ITGB8: variants seen among roughly 807,000 people sequenced by gnomAD.
The protein encoded by ITGB8 is integrin beta-8.
In ITGB8, 30 loss-of-function variants were observed where a neutral mutation model predicts 89.5. The ratio of observed to expected loss-of-function variants is 0.34; its 90% confidence interval spans 0.25 to 0.45. The LOEUF is 0.45. Ranked by LOEUF, ITGB8 falls within the 20% of genes least tolerant of loss-of-function variation. ITGB8 has a pLI of 1.00. For missense variants in ITGB8, 836 were observed against 933.3 expected, an observed-to-expected ratio of 0.90 and a Z score of 1.36; for synonymous variants, 335 against 320.4, an observed-to-expected ratio of 1.05 and a Z score of -0.49.
At position 20,406,074 on chromosome 7, in the gene ITGB8, A is replaced by G. The variant is rs548549760; in HGVS notation, c.1926A>G (p.Gln642=). 31 of 1,603,938 alleles carry G rather than the reference A, an allele frequency of 1.9e-5. No individual in the cohort carries two copies. In the African/African-American group the frequency reaches 2.7e-4, roughly 14 times the overall value. ...TTTCCCCTTGCAGGAATTGTATGCAATGCCTTCACCCTCACAATTTGTCTC... is the reference window on the plus strand; with the variant it reads ...TTTCCCCTTGCAGGAATTGTATGCAGTGCCTTCACCCTCACAATTTGTCTC... ...TACKENWNCM[Q]CLHPHNLSQA... is the part of the protein sequence containing the mutation. The change falls in exon 12 of 14, where the codon CAA becomes CAG. Residue 642 remains glutamine (Q), a synonymous_variant. Coordinates refer to ENST00000222573, the MANE Select transcript of ITGB8 (RefSeq NM_002214.3).
chr7:20,371,371 T>G (rs1785928447), intron 3 of ITGB8, among the ~76,000 whole-genome samples: 1 of 152,178 alleles, frequency 6.6e-6, no homozygotes, highest in South Asian at 2.1e-4. Flanking sequence ...TGAAACTAAC[T>G]ATTGAATACT....
At chr7:20,380,611 C>G (rs1392505632) in intron 4 of ITGB8, 55 bp from the exon 5 acceptor site, 1 of 1,427,704 alleles carries the variant, frequency 7.0e-7, no homozygotes, top group Non-Finnish European at 9.8e-7. Flanking sequence ...GTTAAGTATT[C>G]CAGAATGCTT....
At chr7:20,362,081 C>G (rs1785524147) in intron 1 of ITGB8, among the ~76,000 whole-genome samples, 1 of 152,176 alleles carries the variant, frequency 6.6e-6, no homozygotes, top group Non-Finnish European at 1.5e-5. Context: ...GTGCTCCATA[C>G]TACCCCAGTT....
In ITGB8 at chr7:20,412,485, G is replaced by A. The variant is rs981326254; in HGVS notation, c.*2488G>A. The stretch of plus-strand genomic sequence containing the variant: ...ATGAACAATAAACAAATTTCCGTAT[G>A]GAATGAATTATCCAAAAAGAGTATA... On this transcript the variant is annotated 3_prime_UTR_variant, in exon 14 of 14. Coordinates refer to ENST00000222573, the MANE Select transcript of ITGB8 (RefSeq NM_002214.3). 1.3e-5 allele frequency: 2 copies of A among 152,484 alleles called. No individual in the cohort carries two copies. The highest frequency in any genetic ancestry group is 4.8e-5 in the African/African-American group (2 of 41,406). The allele number at this position is 152,484 out of a possible 1,614,324, so 9.4% of individuals were successfully genotyped here.
At chr7:20,391,288 T>C (rs1583527056) in intron 6 of ITGB8, 115 bp from the exon 7 acceptor site, 1 of 468,494 alleles carries the variant, frequency 2.1e-6, no homozygotes, top group Non-Finnish European at 3.8e-6. Flanking sequence ...AGTAAAACCA[T>C]AGTCCTTCCC....
intron 9 of ITGB8, among the ~76,000 whole-genome samples, chr7:20,400,389 A>T (rs1787258915): frequency 6.6e-6 from 1 of 151,880 alleles, no homozygotes; most frequent in South Asian, 2.1e-4. Flanking sequence ...AAGCTTCAGC[A>T]TTCTCAAAGA....
intron 8 of ITGB8, among the ~76,000 whole-genome samples, chr7:20,395,371 G>C (rs1157011386): frequency 6.6e-6 from 1 of 152,234 alleles, no homozygotes; most frequent in African/African-American, 2.4e-5. Flanking sequence ...TAATCTGCCA[G>C]GGCAGTTAAA....
intron 1 of ITGB8, chr7:20,346,741 G>C (rs1457236243): frequency 1.0e-6 from 1 of 985,152 alleles, no homozygotes; most frequent in Non-Finnish European, 1.2e-6. Flanking sequence ...GATTGCCTGA[G>C]AAGTATATAA....
At chr7:20,372,023 C>G (rs949558971) in intron 3 of ITGB8, among the ~76,000 whole-genome samples, 1 of 152,128 alleles carries the variant, frequency 6.6e-6, no homozygotes, top group South Asian at 2.1e-4. Flanking sequence ...TAATCATCTT[C>G]ATCTCTCTTT....
At chr7:20,390,894 ATATATGT>A (rs1034827488) in intron 6 of ITGB8, among the ~76,000 whole-genome samples, 10 of 152,072 alleles carry the variant, frequency 6.6e-5, no homozygotes, top group African/African-American at 2.4e-4. Flanking sequence ...CATGTTATAT[ATATATGT>A]TATATAACTA....
chr7:20,387,344 AATT>A (rs755068732), intron 6 of ITGB8, among the ~76,000 whole-genome samples: 1 of 152,190 alleles, frequency 6.6e-6, no homozygotes, highest in Non-Finnish European at 1.5e-5. Flanking sequence ...TGGTCTTAAT[AATT>A]ACAGAACAGT....
chr7:20,370,815 T>C (rs1031610510), intron 3 of ITGB8, among the ~76,000 whole-genome samples: 2 of 152,112 alleles, frequency 1.3e-5, no homozygotes, highest in African/African-American at 4.8e-5. Flanking sequence ...GGTTTCACCA[T>C]GTTGGCCAGA....
intron 1 of ITGB8, among the ~76,000 whole-genome samples, chr7:20,332,813 A>G (rs1784452338): frequency 6.6e-6 from 1 of 152,224 alleles, no homozygotes; most frequent in South Asian, 2.1e-4. Context: ...ATTGTTGGAA[A>G]ATTACACAAC....
chr7:20,404,329 T>C (rs1396996308), intron 10 of ITGB8, among the ~76,000 whole-genome samples: 1 of 152,240 alleles, frequency 6.6e-6, no homozygotes, highest in African/African-American at 2.4e-5. Context: ...GTGTTTTTAA[T>C]GTAAAACGGA....
chr7:20,366,739 T>G (rs1030799787), intron 2 of ITGB8: 11 of 310,060 alleles, frequency 3.5e-5, no homozygotes, highest in Admixed American at 1.6e-4. Flanking sequence ...CACTCCAGCC[T>G]GGATCAGGAG....
chr7:20,355,308 A>G (rs759905444), intron 1 of ITGB8, among the ~76,000 whole-genome samples: 1 of 152,198 alleles, frequency 6.6e-6, no homozygotes, highest in Non-Finnish European at 1.5e-5. Context: ...CTCCCATTGC[A>G]CCAACGTATA....
At position 20,367,273 on chromosome 7, in the gene ITGB8, C is replaced by T. The variant is rs1785738678; in HGVS notation, c.388+87C>T. On this transcript the variant is annotated intron_variant, in intron 3 of 13. Coordinates refer to ENST00000222573, the MANE Select transcript of ITGB8 (RefSeq NM_002214.3). ...TTTGCTCATTTTTAATATTATGTGG[C>T]AGGCAGTATTGTTCTTGTAGAAACC... 3 of 1,010,234 alleles carry T rather than the reference C, an allele frequency of 3.0e-6. No individual in the cohort carries two copies. The South Asian group carries it at 4.1e-5, about 14-fold the overall frequency. The allele number at this position is 1,010,234 out of a possible 1,614,324, so 62.6% of individuals were successfully genotyped here.
At chr7:20,399,420 A>G (rs760319162) in intron 9 of ITGB8, among the ~76,000 whole-genome samples, 9 of 152,210 alleles carry the variant, frequency 5.9e-5, no homozygotes, top group Non-Finnish European at 1.5e-5. Flanking sequence ...AAAGAATGGG[A>G]ATGATAGAAC....
Position 20,402,026 on chromosome 7 carries a change from G to A in ITGB8, c.1587G>A (p.Gly529=). 3.1e-6 allele frequency: 5 copies of A among 1,614,130 alleles called. No individual in the cohort carries two copies. Among genetic ancestry groups the A allele is most frequent in the Non-Finnish European group, 4.2e-6 (5 of 1,180,000 alleles). ...GTGGTCGAGGAGTTTGTGTTTGTGG[G>A]AAATGTTCATGTCACAAAATTAAGC... The part of the protein sequence containing the change: ...VCSGRGVCVC[G]KCSCHKIKLG... The change falls in exon 10 of 14, where the codon GGG becomes GGA. Residue 529 remains glycine (G), a synonymous_variant. Coordinates refer to ENST00000222573, the MANE Select transcript of ITGB8 (RefSeq NM_002214.3).
Sources: allele counts gnomAD v4.1 joint callset (sites outside exome capture counted in the v4.1 genomes callset), GRCh38; gene constraint gnomAD v4.1.1; transcripts MANE v1.5; gene names NCBI Gene and HGNC (gene_info 2026-07-23, HGNC 2026-07-21).